ELMO2: variants seen among roughly 807,000 people sequenced by gnomAD.
ELMO2 encodes engulfment and cell motility protein 2.
A neutral mutation model predicts 96.2 loss-of-function variants in ELMO2; 37 were observed. The ratio of observed to expected loss-of-function variants is 0.38; its 90% confidence interval spans 0.30 to 0.51. The LOEUF (loss-of-function observed/expected upper bound fraction) is 0.51. ELMO2 is among the 20% of genes least tolerant of loss of function. ELMO2 has a pLI of 0.88. For missense variants in ELMO2, 561 were observed against 912.6 expected, an observed-to-expected ratio of 0.61 and a Z score of 4.96; for synonymous variants, 315 against 329.4, an observed-to-expected ratio of 0.96 and a Z score of 0.47.
At chr20:46,370,172 A>G (rs1161221528) in intron 20 of ELMO2, 4 of 588,860 alleles carry the variant, frequency 6.8e-6, no homozygotes, top group African/African-American at 3.7e-5. Flanking sequence ...TGTACACTAA[A>G]TATTTACAGA....
At chr20:46,405,410 G>A (rs1023199046) in intron 1 of ELMO2, among the ~76,000 whole-genome samples, 1 of 152,194 alleles carries the variant, frequency 6.6e-6, no homozygotes, top group African/African-American at 2.4e-5. Flanking sequence ...GCAGGAGCTT[G>A]GGATGTAGAA....
rs553028527 is a variant in ELMO2 at position 46,388,070 on chromosome 20, T to A, written c.426-633A>T. Among the ~76,000 whole-genome samples, 6 of 152,360 alleles carry A rather than the reference T, an allele frequency of 3.9e-5. No individual in the cohort carries two copies. In the East Asian group the frequency reaches 1.2e-3, roughly 29 times the overall value. On this transcript the variant is annotated intron_variant, in intron 7 of 21. Coordinates refer to ENST00000290246, the MANE Select transcript of ELMO2 (RefSeq NM_133171.5). ...ATACATTTAATCCTTTATACATCTGTACAGTGCTCTAGAATTAACAGATGA... is the reference window on the plus strand; with the variant it reads ...ATACATTTAATCCTTTATACATCTGAACAGTGCTCTAGAATTAACAGATGA...
intron 6 of ELMO2, 38 bp downstream of exon 6, chr20:46,393,055 T>C: frequency 6.3e-7 from 1 of 1,590,452 alleles, no homozygotes; most frequent in Non-Finnish European, 8.6e-7. Context: ...TATTTGTTTG[T>C]GACATGAATA....
At chr20:46,398,157 T>A (rs1298306371) in intron 2 of ELMO2, among the ~76,000 whole-genome samples, 1 of 152,134 alleles carries the variant, frequency 6.6e-6, no homozygotes, top group East Asian at 1.9e-4. Flanking sequence ...GGTAAGCACT[T>A]AATTAACAAT....
intron 4 of ELMO2, 180 bp downstream of exon 4, chr20:46,393,869 G>A (rs1289579192): frequency 2.3e-6 from 2 of 877,240 alleles, no homozygotes; most frequent in Non-Finnish European, 3.4e-6. Context: ...AAATTAAGAA[G>A]TATAAACGTC....
intron 2 of ELMO2, among the ~76,000 whole-genome samples, chr20:46,397,734 T>C (rs1214227916): frequency 6.6e-6 from 1 of 152,070 alleles, no homozygotes; most frequent in African/African-American, 2.4e-5. Flanking sequence ...AACTGGGTGA[T>C]AATGACCCTG....
intron 1 of ELMO2, among the ~76,000 whole-genome samples, chr20:46,405,999 AG>A (rs2060432582): frequency 1.3e-5 from 2 of 152,188 alleles, no homozygotes; most frequent in African/African-American, 4.8e-5. Context: ...CTGCCCAGGC[AG>A]GAAGCGAGAG....
At chr20:46,368,996 C>T (rs371338021) in intron 20 of ELMO2, 28 bp from the exon 21 acceptor site, 22 of 1,608,450 alleles carry the variant, frequency 1.4e-5, no homozygotes, top group Non-Finnish European at 1.8e-5. Context: ...TAAATTAGAG[C>T]GATGGAACAG....
chr20:46,383,372 C>T (rs2059989751), intron 10 of ELMO2, 44 bp downstream of exon 10: 2 of 1,568,540 alleles, frequency 1.3e-6, no homozygotes, highest in African/African-American at 1.4e-5. Context: ...TGAGAATTAT[C>T]TCAGAAGAGC....
In ELMO2 at chr20:46,366,229, C is replaced by A. The variant is rs751216897; in HGVS notation, c.*1131G>T. 2 of 152,616 alleles carry A rather than the reference C, an allele frequency of 1.3e-5. No individual in the cohort carries two copies. Among genetic ancestry groups the A allele is most frequent in the African/African-American group, 4.8e-5 (2 of 41,416 alleles). 9.5% of individuals were successfully genotyped at this position (152,616 alleles called of 1,614,324 possible). A position where few individuals can be genotyped will look rare whatever the true frequency, so the allele number is the denominator to read the frequency against. ...TAGATCTTATATAAATATATATACA[C>A]GTCTGTATAAGTATGGCCTATAGTA... On this transcript the variant is annotated 3_prime_UTR_variant, in exon 22 of 22. Transcript: ENST00000290246.
Position 46,375,475 on chromosome 20 carries a change from AT to A in ELMO2, c.931-106del. ...CTGGGCCAAACTTTGGCCCCAATCAATCCCTTAGGAGGCATCACCTCTACCA... is the reference window on the plus strand; with the variant it reads ...CTGGGCCAAACTTTGGCCCCAATCAACCCTTAGGAGGCATCACCTCTACCA... On this transcript the variant is annotated intron_variant, in intron 12 of 21. Coordinates refer to ENST00000290246, the MANE Select transcript of ELMO2 (RefSeq NM_133171.5). This position sits in a 1 kb window ranked among gnomAD's most constrained non-coding sequence, Gnocchi z 4.6. The A allele has an allele frequency of 6.6e-7, 1 of 1,518,574 alleles. No homozygotes were observed. Among genetic ancestry groups the A allele is most frequent in the Non-Finnish European group, 8.9e-7 (1 of 1,121,754 alleles). The allele number at this position is 1,518,574 out of a possible 1,614,324, so 94.1% of individuals were successfully genotyped here.
rs112999771 is a variant in ELMO2 at position 46,395,570 on chromosome 20, G to A, written c.-50-1038C>T. Among the ~76,000 whole-genome samples the A allele has an allele frequency of 3.1e-3, 466 of 152,256 alleles. 2 individuals carry two copies. Among genetic ancestry groups the A allele is most frequent in the African/African-American group, 0.011 (448 of 41,552 alleles). On this transcript the variant is annotated intron_variant, in intron 2 of 21. Coordinates refer to ENST00000290246, the MANE Select transcript of ELMO2 (RefSeq NM_133171.5). ...TCCTGGCGTACAAAGCATAGCTGTC[G>A]CGAGGCTATTATGCATGTATGCTAT...
intron 21 of ELMO2, among the ~76,000 whole-genome samples, chr20:46,368,592 G>A (rs1333286051): frequency 6.6e-6 from 1 of 152,232 alleles, no homozygotes; most frequent in Non-Finnish European, 1.5e-5. Context: ...CCAGCTCACA[G>A]ATAAACAATC....
At position 46,381,668 on chromosome 20, in the gene ELMO2, G is replaced by A. The variant is rs1419097083; in HGVS notation, c.757-1365C>T. 2.6e-5 allele frequency among the ~76,000 whole-genome samples: 4 copies of A among 152,282 alleles called. No individual in the cohort carries two copies. The East Asian group carries it at 7.7e-4, about 29-fold the overall frequency. On this transcript the variant is annotated intron_variant, in intron 10 of 21. Transcript: ENST00000290246. ...CTGCAGCTAGAATATAAAGGTCTTAGACCAAAAGCTTCTCTGTGGTGTCAG... is the reference window on the plus strand; with the variant it reads ...CTGCAGCTAGAATATAAAGGTCTTAAACCAAAAGCTTCTCTGTGGTGTCAG...
chr20:46,382,631 G>A (rs2059976524), intron 10 of ELMO2, among the ~76,000 whole-genome samples: 1 of 152,226 alleles, frequency 6.6e-6, no homozygotes, highest in African/African-American at 2.4e-5. Context: ...CCAGCCAGCA[G>A]CAGGGAGAAT....
At chr20:46,403,628 T>G (rs1489383020) in intron 1 of ELMO2, among the ~76,000 whole-genome samples, 2 of 152,266 alleles carry the variant, frequency 1.3e-5, no homozygotes, top group African/African-American at 4.8e-5. Context: ...CACCTCATGA[T>G]GCCTTGCATA....
intron 2 of ELMO2, among the ~76,000 whole-genome samples, chr20:46,396,855 C>A (rs916119591): frequency 6.6e-6 from 1 of 152,118 alleles, no homozygotes; most frequent in Admixed American, 6.5e-5. Flanking sequence ...GAGTGTAGAA[C>A]TAAAGCATGT....
chr20:46,394,411 G>T lies in ELMO2; in HGVS notation c.72C>A (p.Ile24=). The stretch of plus-strand genomic sequence containing the variant: ...TCTCACTTCAGGAGCATACCTGGTC[G>T]ATTTCAAGGAGCTGGGCGTTAGCAC... The part of the protein sequence containing the change: ...WPGANAQLLE[I]DQKRPLASII... The change falls in exon 3 of 22, where the codon ATC becomes ATA. Residue 24 remains isoleucine (I), a synonymous_variant. Transcript: ENST00000290246. 6.2e-7 allele frequency: 1 copy of T among 1,614,118 alleles called. No homozygotes were observed. Among genetic ancestry groups the T allele is most frequent in the Non-Finnish European group, 8.5e-7 (1 of 1,180,018 alleles).
At chr20:46,374,699 G>A in intron 13 of ELMO2, 59 bp from the exon 14 acceptor site, 1 of 1,483,610 alleles carries the variant, frequency 6.7e-7, no homozygotes, top group Non-Finnish European at 9.4e-7. Context: ...GCAGGGACCT[G>A]AGGGGATGCC....
Sources: allele counts gnomAD v4.1 joint callset (sites outside exome capture counted in the v4.1 genomes callset), GRCh38; gene constraint gnomAD v4.1.1; non-coding constraint Gnocchi (gnomAD v3.1); transcripts MANE v1.5; gene names NCBI Gene and HGNC (gene_info 2026-07-23, HGNC 2026-07-21).